Variants in PATJ observed in about 807,000 individuals in gnomAD.
PATJ encodes the protein inaD-like protein.
PATJ carries 190 observed loss-of-function variants against 224.9 expected under a neutral mutation model. The ratio of observed to expected loss-of-function variants is 0.84; its 90% CI spans 0.75 to 0.95. The LOEUF (loss-of-function observed/expected upper bound fraction) is 0.95. Among genes scored for constraint, PATJ ranks in the 40% least tolerant of loss-of-function variants. PATJ has a pLI of 0.00. For synonymous variants in PATJ, 769 were observed against 820.3 expected, an observed-to-expected ratio of 0.94 and a Z score of 1.07; for missense variants, 2,121 against 2,270.3, an observed-to-expected ratio of 0.93 and a Z score of 1.34.
intron 27 of PATJ, among the ~76,000 whole-genome samples, chr1:61,970,140 T>C (rs750322280): frequency 5.3e-5 from 8 of 152,036 alleles, no homozygotes; most frequent in Non-Finnish European, 8.8e-5. Context: ...CATTGCCAAA[T>C]CCAAAGTTAT....
chr1:61,868,219 A>AT (rs1421174083), intron 20 of PATJ, among the ~76,000 whole-genome samples: 1 of 152,180 alleles, frequency 6.6e-6, no homozygotes, highest in Non-Finnish European at 1.5e-5. Flanking sequence ...GTACATGTAC[A>AT]TTTTTGTGTA....
intron 27 of PATJ, among the ~76,000 whole-genome samples, chr1:61,928,813 TATAAA>T (rs72463708): frequency 0.16 from 23,606 of 151,708 alleles, 2,328 homozygotes; most frequent in Non-Finnish European, 0.22. Flanking sequence ...AGAAATAAAA[TATAAA>T]ATAAATAACT....
intron 28 of PATJ, among the ~76,000 whole-genome samples, chr1:61,990,714 G>A (rs1645013487): frequency 6.6e-6 from 1 of 151,924 alleles, no homozygotes; most frequent in African/African-American, 2.4e-5. Flanking sequence ...TTTTAAATTA[G>A]TCATACATGT....
At chr1:61,767,098 A>AAC (rs1646326944) in intron 4 of PATJ, among the ~76,000 whole-genome samples, 1 of 152,176 alleles carries the variant, frequency 6.6e-6, no homozygotes, top group South Asian at 2.1e-4. Flanking sequence ...TGGAAATTAG[A>AAC]ACTAATGTAA....
At chr1:61,841,648 A>G (rs1301008477) in intron 17 of PATJ, among the ~76,000 whole-genome samples, 1 of 143,882 alleles carries the variant, frequency 7.0e-6, no homozygotes, top group East Asian at 2.0e-4. Flanking sequence ...CATATAAGAT[A>G]TTGGTACTAA....
intron 28 of PATJ, among the ~76,000 whole-genome samples, chr1:62,017,159 C>T (rs550668894): frequency 3.9e-5 from 6 of 152,210 alleles, no homozygotes; most frequent in African/African-American, 1.4e-4. Context: ...ACTTAACAAT[C>T]ATTAGACTTA....
chr1:61,807,714 A>G (rs183165963), intron 13 of PATJ, among the ~76,000 whole-genome samples: 166 of 152,306 alleles, frequency 1.1e-3, no homozygotes, highest in African/African-American at 3.9e-3. Flanking sequence ...TTGTTAAAAA[A>G]CTTTCTTACA....
At chr1:61,752,243 T>G (rs908069368) in intron 1 of PATJ, among the ~76,000 whole-genome samples, 5 of 151,844 alleles carry the variant, frequency 3.3e-5, no homozygotes, top group African/African-American at 1.2e-4. Flanking sequence ...TAACTTTGAA[T>G]AGTTTAATGA....
chr1:62,074,032 C>G (rs1198507585), intron 31 of PATJ, among the ~76,000 whole-genome samples: 1 of 151,690 alleles, frequency 6.6e-6, no homozygotes, highest in Non-Finnish European at 1.5e-5. Flanking sequence ...TATCTGTGTA[C>G]TAATCTATGT....
intron 27 of PATJ, among the ~76,000 whole-genome samples, chr1:61,962,007 C>T (rs542310726): frequency 4.0e-5 from 6 of 150,332 alleles, no homozygotes; most frequent in South Asian, 2.1e-4. Context: ...AATGTGAATA[C>T]GGAAGTCTCT....
chr1:61,965,611 A>G (rs1254858971), intron 27 of PATJ, among the ~76,000 whole-genome samples: 2 of 152,224 alleles, frequency 1.3e-5, no homozygotes, highest in East Asian at 3.8e-4. Flanking sequence ...TAAGTAGTTC[A>G]GTTGACAAGG....
At chr1:61,840,960 G>A (rs2148831501) in intron 17 of PATJ, among the ~76,000 whole-genome samples, 1 of 152,158 alleles carries the variant, frequency 6.6e-6, no homozygotes, top group South Asian at 2.1e-4. Flanking sequence ...AGTGTAAGCA[G>A]GTGTGTAATT....
chr1:62,072,103 G>C (rs1657522250), intron 31 of PATJ, among the ~76,000 whole-genome samples: 2 of 152,092 alleles, frequency 1.3e-5, no homozygotes, highest in South Asian at 4.1e-4. Context: ...ATGGGAGGCA[G>C]ACATAAACAT....
Position 61,769,428 on chromosome 1 carries a change from G to A in PATJ, c.524+6G>A. ...CCAGGGAGTGTAGCAGACAGGTGAG[G>A]AAGCTGTTTATTTTCATTTTGCTAA... On this transcript the variant is annotated splice_donor_region_variant and intron_variant, in intron 5 of 43. Transcript: ENST00000642238. The A allele has an allele frequency of 6.2e-7, 1 of 1,606,972 alleles. No individual in the cohort carries two copies. Among genetic ancestry groups the A allele is most frequent in the Non-Finnish European group, 8.5e-7 (1 of 1,178,168 alleles).
intron 27 of PATJ, among the ~76,000 whole-genome samples, chr1:61,974,089 G>A (rs540173234): frequency 1.3e-5 from 2 of 151,790 alleles, no homozygotes; most frequent in Admixed American, 1.3e-4. Flanking sequence ...ACTTCATACA[G>A]GACTACTTCT....
At chr1:62,076,245 CA>C (rs916116015) in intron 31 of PATJ, among the ~76,000 whole-genome samples, 5 of 151,640 alleles carry the variant, frequency 3.3e-5, no homozygotes, top group Non-Finnish European at 7.4e-5. Flanking sequence ...AAACAAAAAA[CA>C]AAAAAAACCT....
At chr1:61,807,082 C>T (rs1015142570) in intron 13 of PATJ, among the ~76,000 whole-genome samples, 13 of 151,880 alleles carry the variant, frequency 8.6e-5, no homozygotes, top group African/African-American at 3.1e-4. Context: ...ACCTGGGAGG[C>T]GGAGGTTGTG....
chr1:61,978,680 G>A (rs2149491587), intron 27 of PATJ, among the ~76,000 whole-genome samples: 1 of 152,130 alleles, frequency 6.6e-6, no homozygotes, highest in East Asian at 1.9e-4. Context: ...ATTAGATTGA[G>A]ATGTTTATTA....
intron 27 of PATJ, among the ~76,000 whole-genome samples, chr1:61,969,130 A>T (rs1490327297): frequency 1.3e-5 from 2 of 152,060 alleles, no homozygotes; most frequent in African/African-American, 4.8e-5. Flanking sequence ...TATTCATCTG[A>T]TGGTTGACCT....
Sources: gnomAD v4.1 joint callset for allele counts (sites outside exome capture counted in the v4.1 genomes callset) on GRCh38, gnomAD v4.1.1 for gene constraint, MANE v1.5 for transcripts, NCBI Gene and HGNC (gene_info 2026-07-23, HGNC 2026-07-21) for gene names.